The following TRPM7 variants were observed in gnomAD, a reference collection of about 807,000 sequenced individuals.
TRPM7 encodes transient receptor potential cation channel subfamily M member 7.
In TRPM7, 134 loss-of-function variants were observed where a neutral mutation model predicts 229.7. That is an observed-to-expected ratio of 0.58 (90% CI 0.51 to 0.67). The LOEUF is 0.67. Among genes scored for constraint, TRPM7 ranks in the 30% least tolerant of loss-of-function variants. The pLI is 0.00. For missense variants in TRPM7, 1,901 were observed against 2,210.0 expected, an observed-to-expected ratio of 0.86 and a Z score of 2.80; for synonymous variants, 699 against 715.2, an observed-to-expected ratio of 0.98 and a Z score of 0.36.
rs1275793846 is a variant in TRPM7, at chr15:50,592,609, A to G, written c.3626T>C (p.Ile1209Thr). The G allele has an allele frequency of 1.3e-6, 2 of 1,597,664 alleles. No individual in the cohort carries two copies. The highest frequency in any genetic ancestry group is 1.7e-6 in the Non-Finnish European group (2 of 1,175,410). The part of the protein sequence containing the change: ...VTFERVEQMC[I>T]QIKEVGDRVN... ...ACGATCTCCAACTTCTTTAATCTGAATGCACATCTGTTCCACTCTGTAGGA... is the reference window on the plus strand; with the variant it reads ...ACGATCTCCAACTTCTTTAATCTGAGTGCACATCTGTTCCACTCTGTAGGA... Residue 1209 changes from isoleucine to threonine, a missense_variant, in exon 26 of 39, where the codon ATT (isoleucine) becomes ACT (threonine). Physicochemically the swap from Ile to Thr is moderately conservative, Grantham distance 89. Transcript: ENST00000646667.
In TRPM7 at chr15:50,569,890, G is replaced by T; in HGVS notation, c.5464C>A (p.Pro1822Thr). The T allele has an allele frequency of 6.3e-7, 1 of 1,596,622 alleles. No homozygotes were observed. Among genetic ancestry groups the T allele is most frequent in the Non-Finnish European group, 8.5e-7 (1 of 1,173,054 alleles). Reference protein sequence around the residue: ...CNSCCRKLKLPDLKRNDYTPD... With the variant: ...CNSCCRKLKLTDLKRNDYTPD... ...TACTGATTAAGAAATTTTTTACCTG[G>T]AAGTTTAAGCTTTCTACAGCAAGAA... The change falls in exon 38 of 39, where the codon CCA becomes ACA. Residue 1822 changes from proline (P) to threonine (T), a missense_variant. Around this residue, in one of 8 missense-constraint regions of TRPM7, gnomAD observed 257 missense variants for 352.0 expected, o/e 0.73. Coordinates refer to ENST00000646667, the MANE Select transcript of TRPM7 (RefSeq NM_017672.6).
chr15:50,628,789 A>T (rs2060640473), intron 10 of TRPM7, among the ~76,000 whole-genome samples: 1 of 152,256 alleles, frequency 6.6e-6, no homozygotes, highest in Non-Finnish European at 1.5e-5. Context: ...AAATGAGAAG[A>T]AAACAAAGAT....
intron 1 of TRPM7, among the ~76,000 whole-genome samples, chr15:50,669,857 T>C (rs1164112636): frequency 6.6e-6 from 1 of 152,148 alleles, no homozygotes; most frequent in Non-Finnish European, 1.5e-5. Flanking sequence ...CAATCAGCGA[T>C]CCCTTATCAG....
In TRPM7 at chr15:50,658,090, C is replaced by T. The variant is rs370006773; in HGVS notation, c.84-271G>A. Among the ~76,000 whole-genome samples the T allele has an allele frequency of 5.9e-5, 9 of 151,434 alleles. No homozygotes were observed. In the East Asian group the frequency reaches 1.6e-3, roughly 26 times the overall value. On this transcript the variant is annotated intron_variant, in intron 2 of 38. Transcript: ENST00000646667. ...CGCAATCTCAGCTCACTGCAAGCTC[C>T]GCCTCCCGGGTTCACACCACTCTCC... is the stretch of plus-strand genomic sequence containing the variant.
chr15:50,664,480 C>T (rs573838422), intron 1 of TRPM7, among the ~76,000 whole-genome samples: 1 of 151,988 alleles, frequency 6.6e-6, no homozygotes, highest in Non-Finnish European at 1.5e-5. Context: ...AAAATGGGTA[C>T]AACACATCAA....
At chr15:50,684,155 C>G (rs890441832) in intron 1 of TRPM7, among the ~76,000 whole-genome samples, 11 of 149,838 alleles carry the variant, frequency 7.3e-5, no homozygotes, top group Non-Finnish European at 1.5e-4. Context: ...CTGATTAAGT[C>G]GTTTTTTTTT....
chr15:50,595,181 C>T lies in TRPM7; in HGVS notation c.3291-568G>A, dbSNP rs73395527. Among the ~76,000 whole-genome samples the T allele has an allele frequency of 2.0e-5, 3 of 151,696 alleles. No homozygotes were observed. The South Asian group carries it at 6.2e-4, about 32-fold the overall frequency. On this transcript the variant is annotated intron_variant, in intron 23 of 38. Coordinates refer to ENST00000646667, the MANE Select transcript of TRPM7 (RefSeq NM_017672.6). ...TAGTGCCACTGCACTCCAGCCTGGG[C>T]AACAGGCTGTCTCAAAAAATAAAAT... is the stretch of plus-strand genomic sequence containing the variant.
chr15:50,658,278 T>G (rs1486703179), intron 2 of TRPM7, among the ~76,000 whole-genome samples: 3 of 152,070 alleles, frequency 2.0e-5, no homozygotes, highest in Non-Finnish European at 4.4e-5. Context: ...GTGCTAGGAT[T>G]ACAGGTGTGA....
Position 50,590,405 on chromosome 15 carries a change from GA to G in TRPM7, c.4325-750del, listed in dbSNP as rs540683071. ...GCAATAACACTTTAATGACCTTAAT[GA>G]AAACTGTTCCACACATAGAGATTGT... is the stretch of plus-strand genomic sequence containing the variant. On this transcript the variant is annotated intron_variant, in intron 26 of 38. Transcript: ENST00000646667. Among the ~76,000 whole-genome samples, 120 of 152,164 alleles carry G rather than the reference GA, an allele frequency of 7.9e-4. 1 individual carries two copies. Among genetic ancestry groups the G allele is most frequent in the African/African-American group, 2.8e-3 (117 of 41,508 alleles).
rs1567129290 is a variant in TRPM7 at position 50,679,520 on chromosome 15, ATATATATATATATATATATTT to A, written c.3+6990_3+7010del. On this transcript the variant is annotated intron_variant, in intron 1 of 38. Transcript: ENST00000646667. ...ATATGTGTATATATATAATATATATATATATATATATATATATATTTTTTTTTTTTTTTGAGACAGAGTCTT... is the reference window on the plus strand; with the variant it reads ...ATATGTGTATATATATAATATATATATTTTTTTTTTTTGAGACAGAGTCTT... Among the ~76,000 whole-genome samples the A allele has an allele frequency of 3.7e-4, 7 of 18,770 alleles. 1 individual carries two copies. Among genetic ancestry groups the A allele is most frequent in the African/African-American group, 9.3e-4 (7 of 7,536 alleles). The allele number at this position is 18,770 out of a possible 152,430, so 12.3% of individuals were successfully genotyped here. A position where few individuals can be genotyped will look rare whatever the true frequency, so the allele number is the denominator to read the frequency against.
Position 50,592,524 on chromosome 15 carries a change from A to C in TRPM7, c.3711T>G (p.Asp1237Glu). The C allele has an allele frequency of 6.2e-7, 1 of 1,613,782 alleles. No homozygotes were observed. Among genetic ancestry groups the C allele is most frequent in the Non-Finnish European group, 8.5e-7 (1 of 1,180,014 alleles). Residue 1237 changes from aspartate (D) to glutamate (E), a missense_variant, in exon 26 of 39, where the codon GAT (aspartate) becomes GAG (glutamate). Physicochemically the swap from Asp to Glu is conservative, Grantham distance 45. Around this residue, in one of 8 missense-constraint regions of TRPM7, gnomAD observed 533 missense variants for 497.1 expected, o/e 1.07. Coordinates refer to ENST00000646667, the MANE Select transcript of TRPM7 (RefSeq NM_017672.6). ...SLDSQIGHLQDLSALTVDTLK... is the reference protein window; with the variant it reads ...SLDSQIGHLQELSALTVDTLK... ...ATGTATCTACCGTCAGGGCTGAAAG[A>C]TCTTGCAAATGGCCAATTTGAGAAT...
At chr15:50,581,043 T>C (rs2054381378) in intron 29 of TRPM7, 135 bp from the exon 30 acceptor site, 2 of 677,998 alleles carry the variant, frequency 2.9e-6, no homozygotes, top group Admixed American at 3.4e-5. Flanking sequence ...TCTTGTTTCA[T>C]AAAACAATAA....
At chr15:50,618,786 C>A (rs886207983) in intron 13 of TRPM7, among the ~76,000 whole-genome samples, 1 of 152,050 alleles carries the variant, frequency 6.6e-6, no homozygotes, top group Non-Finnish European at 1.5e-5. Flanking sequence ...AACCTCCCAC[C>A]TTTTGTAAAG....
chr15:50,560,888 A>G lies in TRPM7; in HGVS notation c.*790T>C, dbSNP rs1399099985. 6.6e-6 allele frequency: 1 copy of G among 152,646 alleles called. No individual in the cohort carries two copies. Among genetic ancestry groups the G allele is most frequent in the African/African-American group, 2.4e-5 (1 of 41,460 alleles). The allele number at this position is 152,646 out of a possible 1,614,324, so 9.5% of individuals were successfully genotyped here. On this transcript the variant is annotated 3_prime_UTR_variant, in exon 39 of 39. Coordinates refer to ENST00000646667, the MANE Select transcript of TRPM7 (RefSeq NM_017672.6). ...AGTACTTTAACTTTCCTCAAAAGGT[A>G]ACTTCCCTTGACGAGTGAGTTAGGT...
chr15:50,576,487 G>A (rs1313138814), intron 31 of TRPM7, among the ~76,000 whole-genome samples: 1 of 152,150 alleles, frequency 6.6e-6, no homozygotes, highest in Non-Finnish European at 1.5e-5. Flanking sequence ...TTTTAATACT[G>A]TATAAAAATA....
chr15:50,672,366 A>AT (rs879888255), intron 1 of TRPM7, among the ~76,000 whole-genome samples: 2,711 of 145,444 alleles, frequency 0.019, 80 homozygotes, highest in African/African-American at 0.064. Flanking sequence ...ACTCCTACCT[A>AT]TTTTTTTTTT....
chr15:50,639,189 C>T (rs2061011372), intron 6 of TRPM7, among the ~76,000 whole-genome samples: 1 of 152,076 alleles, frequency 6.6e-6, no homozygotes, highest in Admixed American at 6.5e-5. Context: ...AGACTGAAAG[C>T]AAAATGTGCC....
At chr15:50,647,703 G>A (rs532696461) in intron 4 of TRPM7, among the ~76,000 whole-genome samples, 10 of 151,886 alleles carry the variant, frequency 6.6e-5, no homozygotes, top group South Asian at 4.2e-4. Flanking sequence ...CCGAGATTGC[G>A]CCACCGCACT....
chr15:50,607,924 G>A (rs2059962155), intron 19 of TRPM7, among the ~76,000 whole-genome samples: 1 of 150,440 alleles, frequency 6.6e-6, no homozygotes, highest in South Asian at 2.1e-4. Flanking sequence ...ACGTGGTGGT[G>A]CATGCCTGCA....
Sources: allele counts gnomAD v4.1 joint callset (sites outside exome capture counted in the v4.1 genomes callset), GRCh38; gene constraint gnomAD v4.1.1; regional missense constraint gnomAD v4.1.1; transcripts MANE v1.5; gene names NCBI Gene and HGNC (gene_info 2026-07-23, HGNC 2026-07-21).